BCR: variants seen among roughly 807,000 people sequenced by gnomAD.
BCR encodes breakpoint cluster region protein.
A neutral mutation model predicts 138.6 loss-of-function variants in BCR; 58 were observed. That is an observed-to-expected ratio of 0.42 (90% CI 0.34 to 0.52). The LOEUF (loss-of-function observed/expected upper bound fraction) is 0.52. Among genes scored for constraint, BCR ranks in the 20% least tolerant of loss-of-function variants. BCR has a pLI of 0.06. For missense variants in BCR, 1,599 were observed against 1,727.2 expected, an observed-to-expected ratio of 0.93 and a Z score of 1.32; for synonymous variants, 786 against 730.1, an observed-to-expected ratio of 1.08 and a Z score of -1.23.
chr22:23,266,825 T>G (rs1199038496), intron 4 of BCR, among the ~76,000 whole-genome samples: 2 of 152,194 alleles, frequency 1.3e-5, no homozygotes, highest in African/African-American at 2.4e-5. Context: ...CATTTTTGAT[T>G]AGTGAAAAAT....
Position 23,271,576 on chromosome 22 carries a change from C to G in BCR, c.1905C>G (p.Thr635=). The G allele has an allele frequency of 6.2e-7, 1 of 1,614,080 alleles. No individual in the cohort carries two copies. The highest frequency in any genetic ancestry group is 1.1e-5 in the South Asian group (1 of 91,080). Residue 635 remains threonine (T), a synonymous_variant, in exon 6 of 23, where the codon ACC becomes ACG. Coordinates refer to ENST00000305877, the MANE Select transcript of BCR (RefSeq NM_004327.4). ...ACAAAGATGCCAAGGATCCAACGAC[C>G]AAGAACTCTCTGGAAAGTGAGTTCT... ...RSNKDAKDPT[T]KNSLETLLYK...
intron 1 of BCR, among the ~76,000 whole-genome samples, chr22:23,243,383 G>C (rs576406143): frequency 6.8e-4 from 104 of 152,176 alleles, no homozygotes; most frequent in Non-Finnish European, 1.2e-3. Flanking sequence ...CGGCTGAACT[G>C]ATCATCAGTG....
At chr22:23,228,983 G>T (rs1341110695) in intron 1 of BCR, among the ~76,000 whole-genome samples, 1 of 152,128 alleles carries the variant, frequency 6.6e-6, no homozygotes. Context: ...GGACACCTGG[G>T]ACATGAAATT....
At chr22:23,253,430 C>T (rs2073254578) in intron 1 of BCR, among the ~76,000 whole-genome samples, 1 of 152,216 alleles carries the variant, frequency 6.6e-6, no homozygotes, top group Non-Finnish European at 1.5e-5. Context: ...AGCCACCTGT[C>T]ATTTACTAGC....
intron 1 of BCR, chr22:23,198,321 C>A: frequency 4.6e-6 from 2 of 435,636 alleles, no homozygotes; most frequent in Non-Finnish European, 8.9e-6. Flanking sequence ...TGTCCGTGTG[C>A]CGAGGAGGGG....
chr22:23,244,808 G>A (rs1230377635), intron 1 of BCR, among the ~76,000 whole-genome samples: 4 of 152,184 alleles, frequency 2.6e-5, no homozygotes, highest in South Asian at 2.1e-4. Flanking sequence ...ATCCTGGGGC[G>A]GAGGGCTGCT....
intron 19 of BCR, 168 bp downstream of exon 19, chr22:23,312,004 C>A: frequency 7.4e-7 from 1 of 1,348,404 alleles, no homozygotes; most frequent in Non-Finnish European, 9.9e-7. Flanking sequence ...TAGAAAAAGC[C>A]TCTGTAGAAA....
At chr22:23,262,943 C>A in intron 4 of BCR, 1 of 1,083,384 alleles carries the variant, frequency 9.2e-7, no homozygotes, top group Non-Finnish European at 1.1e-6. Context: ...GAGGCGGAAG[C>A]GTGGAGGAAG....
chr22:23,185,044 TCA>T (rs1314757066), intron 1 of BCR, among the ~76,000 whole-genome samples: 1 of 152,114 alleles, frequency 6.6e-6, no homozygotes, highest in African/African-American at 2.4e-5. Context: ...TGAGGGCCCC[TCA>T]AGGGAGGGGG....
intron 1 of BCR, among the ~76,000 whole-genome samples, chr22:23,226,327 AGTGTGTGT>A (rs751492915): frequency 2.2e-5 from 1 of 46,072 alleles, no homozygotes; most frequent in African/African-American, 8.7e-5. Context: ...AGAGAGAGAG[AGTGTGTGT>A]GTGTGTGTGT....
At position 23,181,142 on chromosome 22, in the gene BCR, C is replaced by T. The variant is rs754331385; in HGVS notation, c.182C>T (p.Thr61Met). Reference sequence around the variant, plus strand: ...CGCTTCCGCATGATCTACCTGCAGACGTTGCTGGCCAAGGAAAAGAAGAGC... The same window carrying T: ...CGCTTCCGCATGATCTACCTGCAGATGTTGCTGGCCAAGGAAAAGAAGAGC... Reference protein sequence around the residue: ...QERFRMIYLQTLLAKEKKSYD... With the variant: ...QERFRMIYLQMLLAKEKKSYD... Residue 61 changes from threonine (T) to methionine (M), a missense_variant, in exon 1 of 23, where the codon ACG becomes ATG. Coordinates refer to ENST00000305877, the MANE Select transcript of BCR (RefSeq NM_004327.4). 7 of 1,466,624 alleles carry T rather than the reference C, an allele frequency of 4.8e-6. No homozygotes were observed. Among genetic ancestry groups the T allele is most frequent in the Non-Finnish European group, 6.4e-6 (7 of 1,097,106 alleles). The allele number at this position is 1,466,624 out of a possible 1,614,324, so 90.9% of individuals were successfully genotyped here.
At chr22:23,248,670 A>G (rs2073184301) in intron 1 of BCR, among the ~76,000 whole-genome samples, 1 of 152,132 alleles carries the variant, frequency 6.6e-6, no homozygotes, top group Non-Finnish European at 1.5e-5. Flanking sequence ...CCTCTTCCAC[A>G]CCAACCCTGG....
At chr22:23,280,340 C>T (rs2073629577) in intron 8 of BCR, among the ~76,000 whole-genome samples, 1 of 152,212 alleles carries the variant, frequency 6.6e-6, no homozygotes, top group South Asian at 2.1e-4. Context: ...GATGCGACCC[C>T]CTCCTCAGAA....
In BCR at chr22:23,297,124, A is replaced by C. The variant is rs545704016; in HGVS notation, c.3012+1969A>C. 3.6e-4 allele frequency among the ~76,000 whole-genome samples: 55 copies of C among 152,030 alleles called. 1 individual carries two copies. The South Asian group carries it at 0.011, about 30-fold the overall frequency. Reference sequence around the variant, plus strand: ...AGGATCATAGCTCACTGCAACCTCAAACTCCTGGCTGAAGCAATCTTTGTG... The same window carrying C: ...AGGATCATAGCTCACTGCAACCTCACACTCCTGGCTGAAGCAATCTTTGTG... On this transcript the variant is annotated intron_variant, in intron 16 of 22. Transcript: ENST00000305877.
chr22:23,313,400 C>T (rs1444376470), intron 20 of BCR, among the ~76,000 whole-genome samples: 1 of 152,230 alleles, frequency 6.6e-6, no homozygotes, highest in East Asian at 1.9e-4. Flanking sequence ...CCTTAGTCAA[C>T]CTGGAGGCTG....
Position 23,187,644 on chromosome 22 carries a change from T to C in BCR, c.1279+5405T>C, listed in dbSNP as rs6003546. 4.9e-3 allele frequency among the ~76,000 whole-genome samples: 739 copies of C among 152,300 alleles called. 5 individuals carry two copies. Among genetic ancestry groups the C allele is most frequent in the African/African-American group, 0.017 (696 of 41,564 alleles). Reference sequence around the variant, plus strand: ...CCACCACACCCAGCCTCCTCCTTTTTCTTTTTTTCCCCCATTGAGACATAA... The same window carrying C: ...CCACCACACCCAGCCTCCTCCTTTTCCTTTTTTTCCCCCATTGAGACATAA... On this transcript the variant is annotated intron_variant, in intron 1 of 22. Transcript: ENST00000305877.
At chr22:23,238,658 T>C (rs570924255) in intron 1 of BCR, among the ~76,000 whole-genome samples, 20 of 152,290 alleles carry the variant, frequency 1.3e-4, no homozygotes, top group African/African-American at 4.6e-4. Flanking sequence ...CTGCATGTTG[T>C]ACCCCTGGCC....
intron 9 of BCR, among the ~76,000 whole-genome samples, chr22:23,284,412 G>A (rs1165254851): frequency 6.6e-6 from 1 of 151,992 alleles, no homozygotes; most frequent in Non-Finnish European, 1.5e-5. Flanking sequence ...GCTGGGTGGT[G>A]GCTGCTCCTT....
intron 1 of BCR, among the ~76,000 whole-genome samples, chr22:23,234,565 G>A (rs2146247298): frequency 6.6e-6 from 1 of 152,264 alleles, no homozygotes; most frequent in African/African-American, 2.4e-5. Context: ...GCATCCCGCA[G>A]CCCAGGAGGG....
Sources: allele counts gnomAD v4.1 joint callset (sites outside exome capture counted in the v4.1 genomes callset), GRCh38; gene constraint gnomAD v4.1.1; transcripts MANE v1.5; gene names NCBI Gene and HGNC (gene_info 2026-07-23, HGNC 2026-07-21).